Variants in FASTKD5 observed in about 807,000 individuals in gnomAD.
FASTKD5 encodes the protein FAST kinase domains 5, also known as non-canonical pre-mRNAs endonuclease FASTKD5, mitochondrial.
FASTKD5 carries 30 observed loss-of-function variants against 44.0 expected under a neutral mutation model. The ratio of observed to expected loss-of-function variants is 0.68; its 90% CI spans 0.51 to 0.93. The LOEUF (loss-of-function observed/expected upper bound fraction) is 0.93, where lower values mean the gene tolerates loss of function less well. FASTKD5 is among the 40% of genes least tolerant of loss of function. The pLI, the probability that FASTKD5 is intolerant of heterozygous loss-of-function variation, is 0.00. For missense variants in FASTKD5, 868 were observed against 908.2 expected, an observed-to-expected ratio of 0.96 and a Z score of 0.57; for synonymous variants, 335 against 342.2, an observed-to-expected ratio of 0.98 and a Z score of 0.23.
intron 1 of FASTKD5, among the ~76,000 whole-genome samples, chr20:3,152,950 A>AT (rs1354095364): frequency 6.6e-6 from 1 of 152,038 alleles, no homozygotes; most frequent in Non-Finnish European, 1.5e-5. Flanking sequence ...TAAAGGTCCC[A>AT]TTTTTTAAAT....
rs186138427 is a variant in FASTKD5 at position 3,150,327 on chromosome 20, C to A, written c.-190-1067G>T. Among the ~76,000 whole-genome samples the A allele has an allele frequency of 4.1e-3, 628 of 152,252 alleles. 15 individuals are homozygous for A. The highest frequency in any genetic ancestry group is 1.5e-3 in the Non-Finnish European group (100 of 68,034). Reference sequence around the variant, plus strand: ...AAGCAAAGAGTACCCCAAAGCTGGGCTCAGGGTTCAGGGAACGCCAATTGA... The same window carrying A: ...AAGCAAAGAGTACCCCAAAGCTGGGATCAGGGTTCAGGGAACGCCAATTGA... On this transcript the variant is annotated intron_variant, in intron 1 of 1. Transcript: ENST00000380266.
Position 3,146,947 on chromosome 20 carries a change from G to A in FASTKD5, c.2124C>T (p.Cys708=), listed in dbSNP as rs2066569930. The A allele has an allele frequency of 8.1e-6, 13 of 1,614,086 alleles. No individual in the cohort carries two copies. The East Asian group carries it at 2.7e-4, about 33-fold the overall frequency. ...AVQFTNRNQY[C]YGSRDLLGLH... ...GTCCAAGGAGATCCCTGGAGCCATA[G>A]CAATACTGGTTCCTGTTTGTGAACT... The change falls in exon 2 of 2, where the codon TGC becomes TGT. Residue 708 remains cysteine (C), a synonymous_variant. Coordinates refer to ENST00000380266, the MANE Select transcript of FASTKD5 (RefSeq NM_021826.5).
Position 3,148,844 on chromosome 20 carries a change from G to A in FASTKD5, c.227C>T (p.Pro76Leu). ...AGAAGTCTTGCTGAATTCCAAACCT[G>A]GGTGGGCACTGCTGGTTGTCAGGAT... ...RRILTTSSAH[P>L]GLEFSKTSSS... The change falls in exon 2 of 2, where the codon CCA becomes CTA. Residue 76 changes from proline (P) to leucine (L), a missense_variant. Transcript: ENST00000380266. 1 of 1,614,234 alleles carries A rather than the reference G, an allele frequency of 6.2e-7. No homozygotes were observed. Among genetic ancestry groups the A allele is most frequent in the Non-Finnish European group, 8.5e-7 (1 of 1,180,054 alleles).
intron 1 of FASTKD5, among the ~76,000 whole-genome samples, chr20:3,155,351 G>A (rs867997270): frequency 3.9e-4 from 59 of 152,122 alleles, no homozygotes; most frequent in African/African-American, 1.3e-3. Context: ...CCAACGTGGC[G>A]AAACCACGTC....
chr20:3,156,486 C>A (rs527637142), intron 1 of FASTKD5, among the ~76,000 whole-genome samples: 24 of 152,110 alleles, frequency 1.6e-4, no homozygotes, highest in African/African-American at 5.5e-4. Flanking sequence ...CTGACTCTTT[C>A]AATAAAGGTC....
intron 1 of FASTKD5, chr20:3,151,674 T>C (rs1036988971): frequency 6.6e-6 from 1 of 151,582 alleles, no homozygotes; most frequent in African/African-American, 2.4e-5. Context: ...TTAATTAAAA[T>C]TGGAAAAACT....
At chr20:3,153,404 A>G (rs2066651091) in intron 1 of FASTKD5, among the ~76,000 whole-genome samples, 1 of 152,260 alleles carries the variant, frequency 6.6e-6, no homozygotes, top group Non-Finnish European at 1.5e-5. Flanking sequence ...ATTAGTTCCC[A>G]TCCTTATAAC....
In FASTKD5 at chr20:3,148,180, G is replaced by A. The variant is rs751519344; in HGVS notation, c.891C>T (p.Asp297=). The part of the protein sequence containing the change: ...VIGENRQVSQ[D]LMQKLESLIL... The stretch of plus-strand genomic sequence containing the variant: ...TCAATGATTCCAATTTTTGCATTAG[G>A]TCCTGGGATACCTGACGATTTTCAC... The change falls in exon 2 of 2, where the codon GAC becomes GAT. Residue 297 remains aspartate, a synonymous_variant. Coordinates refer to ENST00000380266, the MANE Select transcript of FASTKD5 (RefSeq NM_021826.5). 1.2e-6 allele frequency: 2 copies of A among 1,613,744 alleles called. No homozygotes were observed. Among genetic ancestry groups the A allele is most frequent in the Admixed American group, 3.3e-5 (2 of 59,978 alleles).
At position 3,146,916 on chromosome 20, in the gene FASTKD5, T is replaced by C; in HGVS notation, c.2155A>G (p.Asn719Asp). Reference protein sequence around the residue: ...YGSRDLLGLHNMKRRQLARLG... With the variant: ...YGSRDLLGLHDMKRRQLARLG... ...CGAGCCAGCTGCCGCCTCTTCATAT[T>C]GTGCAGTCCAAGGAGATCCCTGGAG... The change falls in exon 2 of 2, where the codon AAT becomes GAT. Residue 719 changes from asparagine (N) to aspartate (D), a missense_variant. Coordinates refer to ENST00000380266, the MANE Select transcript of FASTKD5 (RefSeq NM_021826.5). The C allele has an allele frequency of 1.9e-6, 3 of 1,614,206 alleles. No homozygotes were observed. The highest frequency in any genetic ancestry group is 1.7e-6 in the Non-Finnish European group (2 of 1,180,040).
In FASTKD5 at chr20:3,148,646, G is replaced by C. The variant is rs766933485; in HGVS notation, c.425C>G (p.Ser142Ter). 4.3e-6 allele frequency: 7 copies of C among 1,614,160 alleles called. No homozygotes were observed. Among genetic ancestry groups the C allele is most frequent in the Non-Finnish European group, 1.7e-6 (2 of 1,180,022 alleles). ...ASETSQLLSV[S>*]EGELILHKVR... ...TTTGTGCAAAATTAGTTCACCTTCT[G>C]AAACAGACAGGAGCTGAGAAGTCTC... Residue 142 changes from serine to a stop codon, truncating the protein, a stop_gained, in exon 2 of 2, where the codon TCA (serine) becomes TGA (stop). Transcript: ENST00000380266. LOFTEE classifies it high-confidence loss of function.
intron 1 of FASTKD5, among the ~76,000 whole-genome samples, chr20:3,157,899 TTTTG>T (rs770385287): frequency 2.0e-5 from 3 of 152,116 alleles, no homozygotes; most frequent in Non-Finnish European, 4.4e-5. Flanking sequence ...TTCAGAATTC[TTTTG>T]TTTTTTTTTT....
intron 1 of FASTKD5, among the ~76,000 whole-genome samples, chr20:3,154,655 CAG>C (rs1017677607): frequency 1.8e-4 from 28 of 151,994 alleles, no homozygotes; most frequent in African/African-American, 6.5e-4. Flanking sequence ...GGCAGGGTGA[CAG>C]AGAGAGACCC....
intron 1 of FASTKD5, among the ~76,000 whole-genome samples, chr20:3,152,779 G>A (rs1281735871): frequency 1.3e-5 from 2 of 151,280 alleles, no homozygotes; most frequent in East Asian, 2.0e-4. Flanking sequence ...GTGGTAGTGC[G>A]CCTGTAATCC....
In FASTKD5 at chr20:3,148,378, C is replaced by G; in HGVS notation, c.693G>C (p.Lys231Asn). 1 of 1,614,184 alleles carries G rather than the reference C, an allele frequency of 6.2e-7. No individual in the cohort carries two copies. The highest frequency in any genetic ancestry group is 1.1e-5 in the South Asian group (1 of 91,082). ...TCATCTCCCATACCTGATGGCAACA[C>G]TTGGTCTCATACACATCTAGCATTG... ...SHSMLDVYET[K>N]CCHQVWEMNM... is the part of the protein sequence containing the mutation. The change falls in exon 2 of 2, where the codon AAG (lysine) becomes AAC (asparagine). Residue 231 changes from lysine (K) to asparagine (N), a missense_variant. Transcript: ENST00000380266.
At position 3,148,040 on chromosome 20, in the gene FASTKD5, G is replaced by T. The variant is rs1260099717; in HGVS notation, c.1031C>A (p.Ala344Asp). 6.2e-7 allele frequency: 1 copy of T among 1,614,148 alleles called. No individual in the cohort carries two copies. The highest frequency in any genetic ancestry group is 8.5e-7 in the Non-Finnish European group (1 of 1,180,032). Residue 344 changes from alanine (A) to aspartate (D), a missense_variant, in exon 2 of 2, where the codon GCT becomes GAT. By Grantham distance (126) the Ala-to-Asp change is moderately radical. Coordinates refer to ENST00000380266, the MANE Select transcript of FASTKD5 (RefSeq NM_021826.5). ...EFVMRKIGDL[A>D]CANIQHLSSR... Reference sequence around the variant, plus strand: ...ACTCAGATGCTGAATGTTAGCACAAGCCAAGTCTCCAATTTTCCGCATGAC... The same window carrying T: ...ACTCAGATGCTGAATGTTAGCACAATCCAAGTCTCCAATTTTCCGCATGAC...
intron 1 of FASTKD5, among the ~76,000 whole-genome samples, chr20:3,150,221 A>G (rs2066610810): frequency 6.6e-6 from 1 of 152,148 alleles, no homozygotes; most frequent in South Asian, 2.1e-4. Flanking sequence ...GTGTTATTAG[A>G]AAGTATACTA....
rs1411757293 is a variant in FASTKD5, at chr20:3,148,605, T to A, written c.466A>T (p.Asn156Tyr). Residue 156 changes from asparagine to tyrosine, a missense_variant, in exon 2 of 2, where the codon AAT becomes TAT. Asn to Tyr is a moderately radical substitution (Grantham distance 143, BLOSUM62 -2). Transcript: ENST00000380266. ...ACAATGACTTGAGCCTGGAGATTAT[T>A]TTGATTAACTCTGACTTTGTGCAAA... is the stretch of plus-strand genomic sequence containing the variant. Reference protein sequence around the residue: ...LILHKVRVNQNNLQAQVIVDY... With the variant: ...LILHKVRVNQYNLQAQVIVDY... The A allele has an allele frequency of 1.9e-6, 3 of 1,614,180 alleles. No individual in the cohort carries two copies. Among genetic ancestry groups the A allele is most frequent in the Non-Finnish European group, 2.5e-6 (3 of 1,180,048 alleles).
chr20:3,150,083 A>C (rs2066609533), intron 1 of FASTKD5, among the ~76,000 whole-genome samples: 1 of 152,110 alleles, frequency 6.6e-6, no homozygotes, highest in Non-Finnish European at 1.5e-5. Context: ...TTATAGCGCA[A>C]AACTGTTAAT....
rs761317969 is a variant in FASTKD5 at position 3,148,961 on chromosome 20, T to C, written c.110A>G (p.Gln37Arg). ...TTCTGGAGGGTCCTGTCCCCCATGC[T>C]GTGTGCTGCTCACATTCCAGTATGA... is the stretch of plus-strand genomic sequence containing the variant. The part of the protein sequence containing the change: ...SVSYWNVSST[Q>R]HGGQDPPEHI... The change falls in exon 2 of 2, where the codon CAG becomes CGG. Residue 37 changes from glutamine (Q) to arginine (R), a missense_variant. Physicochemically the swap from Gln to Arg is conservative, Grantham distance 43. Coordinates refer to ENST00000380266, the MANE Select transcript of FASTKD5 (RefSeq NM_021826.5). The C allele has an allele frequency of 1.1e-5, 18 of 1,614,232 alleles. No homozygotes were observed. Among genetic ancestry groups the C allele is most frequent in the Non-Finnish European group, 1.5e-5 (18 of 1,180,046 alleles).
Sources: allele counts gnomAD v4.1 joint callset (sites outside exome capture counted in the v4.1 genomes callset), GRCh38; gene constraint gnomAD v4.1.1; transcripts MANE v1.5; gene names NCBI Gene and HGNC (gene_info 2026-07-23, HGNC 2026-07-21).